The following MTIF3 variants were observed in gnomAD, a reference collection of about 807,000 sequenced individuals.
MTIF3 encodes translation initiation factor IF-3, mitochondrial.
MTIF3 carries 13 observed loss-of-function variants against 20.7 expected under a neutral mutation model. The ratio of observed to expected loss-of-function variants is 0.63; its 90% CI spans 0.41 to 1.00. The LOEUF (loss-of-function observed/expected upper bound fraction) is 1.00. Ranked by LOEUF, MTIF3 falls within the 50% of genes least tolerant of loss-of-function variation. The pLI is 0.00. For synonymous variants in MTIF3, 114 were observed against 112.5 expected (o/e 1.01, Z -0.08); for missense variants, 295 against 324.5 (o/e 0.91, Z 0.70).
At chr13:27,443,571 T>G (rs940632322) in intron 2 of MTIF3, among the ~76,000 whole-genome samples, 1 of 152,242 alleles carries the variant, frequency 6.6e-6, no homozygotes, top group Non-Finnish European at 1.5e-5. Context: ...TAGATAGATA[T>G]AAATTCTAAT....
At chr13:27,436,392 T>TA (rs1355316438) in intron 4 of MTIF3, among the ~76,000 whole-genome samples, 2 of 150,590 alleles carry the variant, frequency 1.3e-5, no homozygotes, top group African/African-American at 2.4e-5. Flanking sequence ...TAGTGGATGA[T>TA]AAAGTTATCT....
At chr13:27,450,083 G>C (rs1246641792) in intron 1 of MTIF3, 2 of 152,310 alleles carry the variant, frequency 1.3e-5, no homozygotes, top group African/African-American at 2.4e-5. Context: ...GCAGTAAGCC[G>C]CAAGAGCACT....
intron 1 of MTIF3, among the ~76,000 whole-genome samples, chr13:27,445,877 C>T (rs146763939): frequency 4.5e-4 from 68 of 151,812 alleles, no homozygotes; most frequent in African/African-American, 1.6e-3. Context: ...GAACAAGACA[C>T]CTGGTTAGTG....
intron 4 of MTIF3, among the ~76,000 whole-genome samples, chr13:27,436,174 G>GA (rs1218054864): frequency 2.0e-5 from 3 of 152,146 alleles, no homozygotes; most frequent in Non-Finnish European, 4.4e-5. Flanking sequence ...CCCACAAACA[G>GA]AAAGCACTGG....
chr13:27,445,527 T>TTCAGAA (rs1954154650), intron 1 of MTIF3, among the ~76,000 whole-genome samples: 1 of 151,624 alleles, frequency 6.6e-6, no homozygotes, highest in Non-Finnish European at 1.5e-5. Context: ...AAACTACTGA[T>TTCAGAA]TCAGGCAGGA....
rs1167137258 is a variant in MTIF3, at chr13:27,437,141, T to C, written c.593A>G (p.Asn198Ser). The change falls in exon 4 of 5, where the codon AAT (asparagine) becomes AGT (serine). Residue 198 changes from asparagine (N) to serine (S), a missense_variant. By Grantham distance (46) the Asn-to-Ser change is conservative. Coordinates refer to ENST00000381120, the MANE Select transcript of MTIF3 (RefSeq NM_152912.5). ...CATTTCATTTTCTGACACGTCTACA[T>C]TTTTTCCTTTCTTTATGGTAATCTG... The part of the protein sequence containing the change: ...LVQITIKKGK[N>S]VDVSENEMEE... The C allele has an allele frequency of 6.2e-7, 1 of 1,613,716 alleles. No individual in the cohort carries two copies. Among genetic ancestry groups the C allele is most frequent in the African/African-American group, 1.3e-5 (1 of 74,886 alleles).
intron 4 of MTIF3, 107 bp from the exon 5 acceptor site, chr13:27,436,000 T>A: frequency 1.2e-6 from 1 of 815,894 alleles, no homozygotes; most frequent in Non-Finnish European, 2.0e-6. Context: ...ATTGCTGCTG[T>A]CGGTTAAGTG....
chr13:27,448,316 T>C (rs1318291002), intron 1 of MTIF3, among the ~76,000 whole-genome samples: 2 of 152,258 alleles, frequency 1.3e-5, no homozygotes, highest in African/African-American at 4.8e-5. Context: ...TGGATCAAAG[T>C]TGCATAGATT....
Position 27,439,973 on chromosome 13 carries a change from A to C in MTIF3, c.460+16T>G. On this transcript the variant is annotated intron_variant, in intron 3 of 4. Transcript: ENST00000381120. Reference sequence around the variant, plus strand: ...AGCTCTTAAAGGATTCAGGGAGCCAACAGCAAAATACCTACCAGTTTTGGG... The same window carrying C: ...AGCTCTTAAAGGATTCAGGGAGCCACCAGCAAAATACCTACCAGTTTTGGG... 1 of 1,606,970 alleles carries C rather than the reference A, an allele frequency of 6.2e-7. No homozygotes were observed. The highest frequency in any genetic ancestry group is 2.2e-5 in the East Asian group (1 of 44,684).
chr13:27,445,190 G>GA (rs1358356622), intron 1 of MTIF3, 34 bp from the exon 2 acceptor site: 1 of 152,132 alleles, frequency 6.6e-6, no homozygotes, highest in Non-Finnish European at 1.5e-5. Flanking sequence ...AAAGTAATTA[G>GA]AAAATCATGC....
intron 3 of MTIF3, among the ~76,000 whole-genome samples, chr13:27,438,269 T>C (rs954766733): frequency 2.2e-5 from 3 of 137,482 alleles, no homozygotes; most frequent in Non-Finnish European, 4.6e-5. Context: ...AGGCAGATCG[T>C]TGGAGCTCAG....
intron 4 of MTIF3, 30 bp downstream of exon 4, chr13:27,437,086 C>T (rs1953799609): frequency 2.5e-6 from 4 of 1,605,244 alleles, no homozygotes; most frequent in Non-Finnish European, 3.4e-6. Context: ...ACCCAAAGCA[C>T]AAGCAGTGGC....
At position 27,441,343 on chromosome 13, in the gene MTIF3, AATACATCTG is replaced by A. The variant is rs571647907; in HGVS notation, c.-1-903_-1-895del. 3 of 152,348 alleles carry A rather than the reference AATACATCTG, an allele frequency of 2.0e-5. No individual in the cohort carries two copies. The South Asian group carries it at 6.2e-4, about 32-fold the overall frequency. 9.4% of individuals were successfully genotyped at this position (152,348 alleles called of 1,614,324 possible). A position where few individuals can be genotyped will look rare whatever the true frequency, so the allele number is the denominator to read the frequency against. On this transcript the variant is annotated intron_variant, in intron 2 of 4. Transcript: ENST00000381120. ...TATAATTAACTGTTAACAATTTTTC[AATACATCTG>A]ATGGTATATAGCAGATAGGAACACA...
chr13:27,445,739 A>G (rs1254012105), intron 1 of MTIF3, among the ~76,000 whole-genome samples: 1 of 152,206 alleles, frequency 6.6e-6, no homozygotes, highest in Admixed American at 6.5e-5. Flanking sequence ...TCTATTAAGC[A>G]GCTTTGCCAA....
At chr13:27,445,827 T>C (rs779925121) in intron 1 of MTIF3, among the ~76,000 whole-genome samples, 4 of 151,576 alleles carry the variant, frequency 2.6e-5, no homozygotes, top group South Asian at 2.1e-4. Context: ...AGAGAAACAA[T>C]AGAAGATGCC....
At chr13:27,438,509 T>TTTAA (rs1555259812) in intron 3 of MTIF3, among the ~76,000 whole-genome samples, 2 of 123,702 alleles carry the variant, frequency 1.6e-5, no homozygotes, top group African/African-American at 5.8e-5. Context: ...TTTTTTTTTT[T>TTTAA]AAACACAGGG....
intron 1 of MTIF3, among the ~76,000 whole-genome samples, chr13:27,447,733 C>CGT (rs1555261562): frequency 6.6e-6 from 1 of 152,188 alleles, no homozygotes; most frequent in African/African-American, 2.4e-5. Context: ...TTTTTCCCAT[C>CGT]AGTCTGTCCT....
intron 2 of MTIF3, among the ~76,000 whole-genome samples, chr13:27,443,193 T>C (rs1431384535): frequency 6.6e-6 from 1 of 152,250 alleles, no homozygotes; most frequent in Admixed American, 6.5e-5. Flanking sequence ...CATTGATTTA[T>C]GGTTATTACC....
intron 3 of MTIF3, among the ~76,000 whole-genome samples, chr13:27,439,410 C>T (rs571344440): frequency 4.3e-4 from 66 of 152,290 alleles, no homozygotes; most frequent in African/African-American, 1.5e-3. Context: ...GCAGGAGAAT[C>T]GCTTGAGCCT....
Sources: allele counts gnomAD v4.1 joint callset (sites outside exome capture counted in the v4.1 genomes callset), GRCh38; gene constraint gnomAD v4.1.1; transcripts MANE v1.5; gene names NCBI Gene and HGNC (gene_info 2026-07-23, HGNC 2026-07-21).